PABPC4L: variants seen among roughly 807,000 people sequenced by gnomAD.
The protein encoded by PABPC4L is polyadenylate-binding protein 4-like.
For synonymous variants in PABPC4L, 169 were observed against 164.1 expected, an observed-to-expected ratio of 1.03 and a Z score of -0.23; for missense variants, 452 against 451.4, an observed-to-expected ratio of 1.00 and a Z score of -0.01.
At chr4:133,989,058 TC>T in the PABPC4L span, among the ~76,000 whole-genome samples, 1 of 152,128 alleles carries the variant, frequency 6.6e-6, no homozygotes, top group East Asian at 1.9e-4. Flanking sequence ...TGGCACCATG[TC>T]CTGAAGATGC....
the PABPC4L span, among the ~76,000 whole-genome samples, chr4:133,990,563 T>C: frequency 6.6e-6 from 1 of 152,272 alleles, no homozygotes; most frequent in Admixed American, 6.5e-5. Flanking sequence ...ACAGCCTGTC[T>C]AGGGGACTGC....
the PABPC4L span, among the ~76,000 whole-genome samples, chr4:134,148,229 A>T: frequency 6.6e-6 from 1 of 152,082 alleles, no homozygotes; most frequent in South Asian, 2.1e-4. Flanking sequence ...GAATACTCCT[A>T]TCTTTACCTT....
the PABPC4L span, among the ~76,000 whole-genome samples, chr4:134,012,544 G>T: frequency 1.3e-5 from 2 of 152,088 alleles, no homozygotes; most frequent in Admixed American, 6.6e-5. Flanking sequence ...GACTCAGCCC[G>T]CCTGCACCCA....
chr4:133,963,256 A>T, the PABPC4L span, among the ~76,000 whole-genome samples: 1 of 152,330 alleles, frequency 6.6e-6, no homozygotes, highest in Non-Finnish European at 1.5e-5. Flanking sequence ...ATGACATTAT[A>T]TAATGGTAAA....
chr4:134,109,194 T>C, the PABPC4L span, among the ~76,000 whole-genome samples: 3 of 152,092 alleles, frequency 2.0e-5, no homozygotes, highest in South Asian at 6.2e-4. Flanking sequence ...TAAACACAAA[T>C]TACAATATTC....
chr4:134,120,258 T>C, the PABPC4L span, among the ~76,000 whole-genome samples: 1 of 90,668 alleles, frequency 1.1e-5, no homozygotes, highest in Non-Finnish European at 2.0e-5. Context: ...TTTTGTTCTT[T>C]GGTTTTTTTT....
At chr4:134,034,939 A>G in the PABPC4L span, among the ~76,000 whole-genome samples, 3 of 152,036 alleles carry the variant, frequency 2.0e-5, no homozygotes, top group Admixed American at 6.6e-5. Context: ...TATGCATAAA[A>G]TGTTGTAAAA....
At chr4:133,989,460 G>T in the PABPC4L span, among the ~76,000 whole-genome samples, 1 of 152,154 alleles carries the variant, frequency 6.6e-6, no homozygotes, top group Non-Finnish European at 1.5e-5. Flanking sequence ...ACTTTCACTT[G>T]ATTTCACAAC....
the PABPC4L span, among the ~76,000 whole-genome samples, chr4:134,012,648 G>T: frequency 1.3e-5 from 2 of 152,258 alleles, no homozygotes; most frequent in Admixed American, 6.5e-5. Context: ...TGGATCGGGG[G>T]ACCTCCCTTG....
the PABPC4L span, among the ~76,000 whole-genome samples, chr4:134,101,914 A>C: frequency 6.6e-6 from 1 of 151,542 alleles, no homozygotes; most frequent in Non-Finnish European, 1.5e-5. Context: ...CATTCAACCC[A>C]TGCTTTAACT....
the PABPC4L span, among the ~76,000 whole-genome samples, chr4:134,107,375 C>G: frequency 6.6e-6 from 1 of 151,332 alleles, no homozygotes; most frequent in African/African-American, 2.4e-5. Flanking sequence ...TATTAATTTG[C>G]TTAACAAACA....
chr4:134,159,634 G>C, the PABPC4L span, among the ~76,000 whole-genome samples: 3 of 152,136 alleles, frequency 2.0e-5, no homozygotes, highest in African/African-American at 7.2e-5. Context: ...GAGGAAACAT[G>C]AGTCTCAGCC....
At chr4:134,190,364 A>T in the PABPC4L span, among the ~76,000 whole-genome samples, 1 of 151,910 alleles carries the variant, frequency 6.6e-6, no homozygotes, top group African/African-American at 2.4e-5. Context: ...TTGAATTAGA[A>T]TCTCTCATGT....
At chr4:133,956,532 C>T in the PABPC4L span, among the ~76,000 whole-genome samples, 5 of 152,116 alleles carry the variant, frequency 3.3e-5, no homozygotes, top group Admixed American at 3.3e-4. Flanking sequence ...ACAGGATGGT[C>T]ACTCTCTGAC....
chr4:133,953,842 A>T, the PABPC4L span, among the ~76,000 whole-genome samples: 1 of 152,246 alleles, frequency 6.6e-6, no homozygotes, highest in African/African-American at 2.4e-5. Flanking sequence ...AATATTCATG[A>T]TTGACATTAT....
chr4:133,969,865 T>A, the PABPC4L span, among the ~76,000 whole-genome samples: 2 of 152,056 alleles, frequency 1.3e-5, no homozygotes, highest in African/African-American at 4.8e-5. Context: ...CCTTTTCCTC[T>A]TATCTCTTTT....
the PABPC4L span, among the ~76,000 whole-genome samples, chr4:134,038,956 A>G: frequency 5.3e-5 from 8 of 152,250 alleles, no homozygotes; most frequent in African/African-American, 1.9e-4. Flanking sequence ...TCTTGTAGGC[A>G]TTTAGTGCTA....
At chr4:134,025,305 CAAAAAAAAA>C in the PABPC4L span, among the ~76,000 whole-genome samples, 5 of 45,640 alleles carry the variant, frequency 1.1e-4, no homozygotes, top group Non-Finnish European at 1.8e-4. Flanking sequence ...GAATTCATCT[CAAAAAAAAA>C]AAAAAAAAAA....
At chr4:134,143,780 T>A in the PABPC4L span, among the ~76,000 whole-genome samples, 1 of 151,470 alleles carries the variant, frequency 6.6e-6, no homozygotes, top group African/African-American at 2.4e-5. Flanking sequence ...AATGAAACTT[T>A]TTAAAGTAAC....
Sources: allele counts gnomAD v4.1 joint callset (sites outside exome capture counted in the v4.1 genomes callset), GRCh38; gene constraint gnomAD v4.1.1; transcripts MANE v1.5; gene names NCBI Gene and HGNC (gene_info 2026-07-23, HGNC 2026-07-21).